GDAP2: variants seen among roughly 807,000 people sequenced by gnomAD.
GDAP2 encodes ganglioside-induced differentiation-associated protein 2.
A neutral mutation model predicts 67.0 loss-of-function variants in GDAP2; 51 were observed. The observed-to-expected ratio is 0.76, with a 90% CI of 0.61 to 0.96. The LOEUF is 0.96. GDAP2 is among the 40% of genes least tolerant of loss of function. The probability of loss-of-function intolerance (pLI) is 0.00; values close to 1 mark genes in which losing one functional copy is unlikely to be tolerated. For missense variants in GDAP2, 547 were observed against 588.3 expected (o/e 0.93, Z 0.73); for synonymous variants, 203 against 207.3 (o/e 0.98, Z 0.18).
intron 5 of GDAP2, among the ~76,000 whole-genome samples, chr1:117,910,843 C>T (rs182311978): frequency 6.6e-6 from 1 of 152,280 alleles, no homozygotes; most frequent in East Asian, 1.9e-4. Context: ...GGTCTTAGAC[C>T]TTGCCTTGTA....
At chr1:117,904,440 T>C (rs569755599) in intron 6 of GDAP2, among the ~76,000 whole-genome samples, 1 of 152,354 alleles carries the variant, frequency 6.6e-6, no homozygotes, top group South Asian at 2.1e-4. Context: ...TGCAACAGTA[T>C]TTACTTGATA....
At chr1:117,915,596 T>G (rs1404531525) in intron 3 of GDAP2, among the ~76,000 whole-genome samples, 1 of 152,194 alleles carries the variant, frequency 6.6e-6, no homozygotes, top group African/African-American at 2.4e-5. Flanking sequence ...TTACCTTATT[T>G]TGAGAGTAGC....
intron 3 of GDAP2, among the ~76,000 whole-genome samples, chr1:117,914,956 G>A (rs1424807045): frequency 6.6e-6 from 1 of 152,018 alleles, no homozygotes; most frequent in Non-Finnish European, 1.5e-5. Context: ...GATTTCCCAG[G>A]ATGATGTTAA....
intron 1 of GDAP2, among the ~76,000 whole-genome samples, chr1:117,925,914 T>G (rs147152381): frequency 6.6e-6 from 1 of 152,242 alleles, no homozygotes; most frequent in East Asian, 1.9e-4. Context: ...TCCACACGTT[T>G]AAGCCCACCA....
At chr1:117,890,728 C>T (rs1335282166) in intron 8 of GDAP2, among the ~76,000 whole-genome samples, 1 of 151,986 alleles carries the variant, frequency 6.6e-6, no homozygotes, top group Admixed American at 6.6e-5. Context: ...GTTTTAAATT[C>T]ATCTACATGT....
rs1647991838 is a variant in GDAP2 at position 117,864,343 on chromosome 1, T to C, written c.*6226A>G. On this transcript the variant is annotated 3_prime_UTR_variant, in exon 14 of 14. Transcript: ENST00000369443. ...AGAGGCTGTTTTAATAGGGGAATGA[T>C]GGATTCAGGCTAGATGAGGACCAAA... 6.6e-6 allele frequency: 1 copy of C among 152,180 alleles called. No homozygotes were observed. The allele number at this position is 152,180 out of a possible 1,614,324, so 9.4% of individuals were successfully genotyped here. A position where few individuals can be genotyped will look rare whatever the true frequency, so the allele number is the denominator to read the frequency against.
chr1:117,883,395 T>C, intron 11 of GDAP2, 93 bp downstream of exon 11: 1 of 890,916 alleles, frequency 1.1e-6, no homozygotes, highest in African/African-American at 1.7e-5. Flanking sequence ...ACATGAAATA[T>C]CCTTTCACAG....
At chr1:117,906,780 T>C (rs1649673840) in intron 5 of GDAP2, among the ~76,000 whole-genome samples, 198 bp from the exon 6 acceptor site, 1 of 152,222 alleles carries the variant, frequency 6.6e-6, no homozygotes, top group Non-Finnish European at 1.5e-5. Context: ...CCAGAGCAAC[T>C]GTGATAGACA....
intron 6 of GDAP2, among the ~76,000 whole-genome samples, chr1:117,902,971 C>T (rs1257846959): frequency 2.0e-5 from 3 of 152,150 alleles, no homozygotes; most frequent in African/African-American, 4.8e-5. Flanking sequence ...ATGTACAAAT[C>T]TTACTGTTCT....
In GDAP2 at chr1:117,883,474, C is replaced by CA. The variant is rs771099864; in HGVS notation, c.1247+13dup. 6.2e-7 allele frequency: 1 copy of CA among 1,603,176 alleles called. No individual in the cohort carries two copies. ...GAAACTATTTCCCCTTCATAATTTG[C>CA]AAAAATAACTAACTTGACATCAACA... On this transcript the variant is annotated intron_variant, in intron 11 of 13. Transcript: ENST00000369443.
At position 117,868,207 on chromosome 1, in the gene GDAP2, T is replaced by C. The variant is rs888052868; in HGVS notation, c.*2362A>G. 6.6e-6 allele frequency: 1 copy of C among 152,206 alleles called. No homozygotes were observed. Among genetic ancestry groups the C allele is most frequent in the Non-Finnish European group, 1.5e-5 (1 of 68,030 alleles). The allele number at this position is 152,206 out of a possible 1,614,324, so 9.4% of individuals were successfully genotyped here. ...TATCAAGGTCATTATATTTCTCCTC[T>C]AGGATTTGGTACTTTGAAGCAACTT... On this transcript the variant is annotated 3_prime_UTR_variant, in exon 14 of 14. Transcript: ENST00000369443.
At chr1:117,882,162 T>C (rs1418307393) in intron 11 of GDAP2, among the ~76,000 whole-genome samples, 1 of 152,136 alleles carries the variant, frequency 6.6e-6, no homozygotes, top group African/African-American at 2.4e-5. Flanking sequence ...ATTTATGGTG[T>C]GTCATTTTTT....
chr1:117,870,391 C>G lies in GDAP2; in HGVS notation c.*178G>C. The G allele has an allele frequency of 1.7e-6, 1 of 591,568 alleles. No individual in the cohort carries two copies. The highest frequency in any genetic ancestry group is 3.0e-6 in the Non-Finnish European group (1 of 331,142). The allele number at this position is 591,568 out of a possible 1,614,324, so 36.6% of individuals were successfully genotyped here. A position where few individuals can be genotyped will look rare whatever the true frequency, so the allele number is the denominator to read the frequency against. ...TTAAAATGTGTGCAGTTCAGAATGG[C>G]CTACCATTTTTAGATTGCTTATGTG... On this transcript the variant is annotated 3_prime_UTR_variant, in exon 14 of 14. Coordinates refer to ENST00000369443, the MANE Select transcript of GDAP2 (RefSeq NM_017686.4).
chr1:117,926,802 T>C (rs1277185527), intron 1 of GDAP2, among the ~76,000 whole-genome samples: 7 of 152,264 alleles, frequency 4.6e-5, no homozygotes, highest in South Asian at 2.1e-4. Flanking sequence ...TGTAAATAAA[T>C]TTGAATTAGA....
chr1:117,883,240 A>G, intron 11 of GDAP2: 1 of 375,574 alleles, frequency 2.7e-6, no homozygotes. Context: ...TATAAATAGA[A>G]GGTAGTATTT....
chr1:117,886,708 T>C, intron 9 of GDAP2, 55 bp from the exon 10 acceptor site: 1 of 880,224 alleles, frequency 1.1e-6, no homozygotes, highest in African/African-American at 1.6e-5. Context: ...GAATACTATT[T>C]GTCTTGGGCT....
chr1:117,907,222 C>T (rs938751001), intron 5 of GDAP2, among the ~76,000 whole-genome samples: 1 of 152,210 alleles, frequency 6.6e-6, no homozygotes, highest in Non-Finnish European at 1.5e-5. Flanking sequence ...TAGCCCTTAA[C>T]ACACATGTCC....
rs115323115 is a variant in GDAP2 at position 117,877,510 on chromosome 1, G to A, written c.1446+499C>T. 50 of 972,358 alleles carry A rather than the reference G, an allele frequency of 5.1e-5. No homozygotes were observed. In the African/African-American group the frequency reaches 6.8e-4, roughly 13 times the overall value. 60.2% of individuals were successfully genotyped at this position (972,358 alleles called of 1,614,324 possible). ...GTGCTTATGTAACAGATCCATAAACGCATCTATAAATAACAACAATAATAT... is the reference window on the plus strand; with the variant it reads ...GTGCTTATGTAACAGATCCATAAACACATCTATAAATAACAACAATAATAT... On this transcript the variant is annotated intron_variant, in intron 13 of 13. Coordinates refer to ENST00000369443, the MANE Select transcript of GDAP2 (RefSeq NM_017686.4).
chr1:117,880,104 G>A (rs1648601595), intron 12 of GDAP2, among the ~76,000 whole-genome samples: 2 of 152,156 alleles, frequency 1.3e-5, no homozygotes, highest in Admixed American at 6.6e-5. Flanking sequence ...AGGACCCCTT[G>A]AGGCCAGGAG....
Sources: gnomAD v4.1 joint callset for allele counts (sites outside exome capture counted in the v4.1 genomes callset) on GRCh38, gnomAD v4.1.1 for gene constraint, MANE v1.5 for transcripts, NCBI Gene and HGNC (gene_info 2026-07-23, HGNC 2026-07-21) for gene names.